The following NUP210L variants were observed in gnomAD, a reference collection of about 807,000 sequenced individuals.
NUP210L encodes the protein nucleoporin 210 like.
In NUP210L, 74 loss-of-function variants were observed where a neutral mutation model predicts 208.5. The ratio of observed to expected loss-of-function variants is 0.35; its 90% CI spans 0.29 to 0.43. The LOEUF (loss-of-function observed/expected upper bound fraction) is 0.43, where lower values mean the gene tolerates loss of function less well. Among genes scored for constraint, NUP210L ranks in the 20% least tolerant of loss-of-function variants. The pLI is 1.00. For synonymous variants in NUP210L, 780 were observed against 816.9 expected (o/e 0.95, Z 0.77); for missense variants, 1,843 against 2,289.4 (o/e 0.81, Z 3.98).
At chr1:154,041,867 G>A (rs997549321) in intron 27 of NUP210L, among the ~76,000 whole-genome samples, 2 of 152,060 alleles carry the variant, frequency 1.3e-5, no homozygotes, top group Non-Finnish European at 2.9e-5. Flanking sequence ...TCCTTCTAGT[G>A]CTCTAGAATT....
intron 10 of NUP210L, among the ~76,000 whole-genome samples, chr1:154,124,192 GAA>G (rs71584176): frequency 8.3e-6 from 1 of 120,104 alleles, no homozygotes; most frequent in Non-Finnish European, 1.7e-5. Flanking sequence ...ATCTCAAAAA[GAA>G]AAAAAAAAAA....
chr1:154,117,508 G>A (rs987560897), intron 12 of NUP210L, among the ~76,000 whole-genome samples: 4 of 152,106 alleles, frequency 2.6e-5, no homozygotes, highest in Non-Finnish European at 5.9e-5. Flanking sequence ...TTGAACCGGG[G>A]AGGCAGAGGT....
At chr1:154,040,381 A>G (rs1652803968) in intron 27 of NUP210L, among the ~76,000 whole-genome samples, 1 of 152,002 alleles carries the variant, frequency 6.6e-6, no homozygotes, top group African/African-American at 2.4e-5. Context: ...TCAAAAAAAA[A>G]AGAAGAAAAG....
chr1:154,023,568 C>T (rs1438845713), intron 30 of NUP210L, among the ~76,000 whole-genome samples: 4 of 151,944 alleles, frequency 2.6e-5, no homozygotes, highest in Admixed American at 6.6e-5. Context: ...ACCTCTGCCT[C>T]CTGCATTCAA....
chr1:154,111,242 G>A (rs1571285197), intron 12 of NUP210L, among the ~76,000 whole-genome samples: 2 of 151,208 alleles, frequency 1.3e-5, no homozygotes, highest in Non-Finnish European at 2.9e-5. Context: ...AATTAGCCAG[G>A]CGTGGTAGCA....
chr1:154,107,475 A>G (rs1044245482), intron 12 of NUP210L, among the ~76,000 whole-genome samples: 1 of 148,370 alleles, frequency 6.7e-6, no homozygotes, highest in African/African-American at 2.4e-5. Context: ...CTCCGTCTCA[A>G]AAAAAAAAAA....
chr1:154,012,154 A>T, intron 34 of NUP210L, 90 bp downstream of exon 34: 1 of 1,326,088 alleles, frequency 7.5e-7, no homozygotes, highest in Non-Finnish European at 1.0e-6. Flanking sequence ...ATAAAAAGAA[A>T]ATCTGGATTA....
intron 7 of NUP210L, among the ~76,000 whole-genome samples, chr1:154,133,695 G>C (rs1035272620): frequency 6.6e-6 from 1 of 151,936 alleles, no homozygotes; most frequent in South Asian, 2.1e-4. Context: ...ACAAAAATTA[G>C]CTGGGCGTGG....
At chr1:154,029,006 G>T (rs1652064039) in intron 28 of NUP210L, among the ~76,000 whole-genome samples, 1 of 151,556 alleles carries the variant, frequency 6.6e-6, no homozygotes, top group African/African-American at 2.4e-5. Flanking sequence ...GAGGCAGGGA[G>T]AATTACCTGA....
intron 10 of NUP210L, among the ~76,000 whole-genome samples, chr1:154,120,593 T>A (rs1044919723): frequency 2.7e-5 from 4 of 150,340 alleles, no homozygotes; most frequent in African/African-American, 9.8e-5. Context: ...AACCTGCACA[T>A]TGTGCACATG....
chr1:154,016,474 A>G (rs1651254083), intron 33 of NUP210L, among the ~76,000 whole-genome samples: 1 of 152,166 alleles, frequency 6.6e-6, no homozygotes, highest in African/African-American at 2.4e-5. Flanking sequence ...TACTCCCTCC[A>G]GCAATCCTCT....
chr1:154,148,744 A>G (rs982058435), intron 2 of NUP210L, among the ~76,000 whole-genome samples: 4 of 152,178 alleles, frequency 2.6e-5, no homozygotes, highest in Non-Finnish European at 5.9e-5. Context: ...CAGAACCCCA[A>G]GTTAAAATAA....
At chr1:154,000,957 A>C in exon 37 of NUP210L, 1 of 1,614,180 alleles carries the variant, frequency 6.2e-7, no homozygotes, top group Non-Finnish European at 8.5e-7. Flanking sequence ...CATTTGCTGG[A>C]AGGAAGTGAA....
chr1:154,027,495 C>T lies in NUP210L; in HGVS notation c.3947+11G>A, dbSNP rs991811985. 1.6e-5 allele frequency: 25 copies of T among 1,578,946 alleles called. No homozygotes were observed. In the East Asian group the frequency reaches 5.6e-4, roughly 35 times the overall value. ...AGATCCTGGCACTTCCTTATTCTCCCTTTTCCTTACCTGTTGGTATGGAGT... is the reference window on the plus strand; with the variant it reads ...AGATCCTGGCACTTCCTTATTCTCCTTTTTCCTTACCTGTTGGTATGGAGT... On this transcript the variant is annotated intron_variant, in intron 29 of 39. Coordinates refer to ENST00000368559, the Ensembl canonical transcript of NUP210L.
At chr1:154,120,424 C>T (rs547244137) in intron 10 of NUP210L, among the ~76,000 whole-genome samples, 2 of 151,872 alleles carry the variant, frequency 1.3e-5, no homozygotes, top group African/African-American at 4.8e-5. Flanking sequence ...GGGAATTGAA[C>T]AATGAGAACA....
At chr1:154,125,740 AGG>A (rs780413446) in intron 10 of NUP210L, among the ~76,000 whole-genome samples, 2,518 of 13,388 alleles carry the variant, frequency 0.19, 912 homozygotes, top group Non-Finnish European at 0.24. Flanking sequence ...GAAGGAAGGG[AGG>A]GAGGGAAATG....
chr1:154,013,371 T>C (rs1182238439), intron 33 of NUP210L, among the ~76,000 whole-genome samples: 3 of 151,994 alleles, frequency 2.0e-5, no homozygotes, highest in Non-Finnish European at 4.4e-5. Flanking sequence ...GTCAGGAGTT[T>C]GAGACCAGCC....
intron 35 of NUP210L, among the ~76,000 whole-genome samples, chr1:154,004,414 C>T (rs1650389120): frequency 6.6e-6 from 1 of 152,024 alleles, no homozygotes; most frequent in Non-Finnish European, 1.5e-5. Context: ...GTCGCCCAGG[C>T]TGGAGTGCAG....
chr1:154,117,833 T>G (rs1413139328), exon 12 of NUP210L: 2 of 1,609,090 alleles, frequency 1.2e-6, no homozygotes, highest in African/African-American at 1.3e-5. Flanking sequence ...CTATGACCAC[T>G]GTTTCATTAG....
Sources: allele counts gnomAD v4.1 joint callset (sites outside exome capture counted in the v4.1 genomes callset), GRCh38; gene constraint gnomAD v4.1.1; transcripts MANE v1.5; gene names NCBI Gene and HGNC (gene_info 2026-07-23, HGNC 2026-07-21).